The following ZNF550 variants were observed in gnomAD, a reference collection of about 807,000 sequenced individuals.
ZNF550 encodes the protein zinc finger protein 550.
ZNF550 carries 42 observed loss-of-function variants against 40.2 expected under a neutral mutation model. The ratio of observed to expected loss-of-function variants is 1.05; its 90% confidence interval spans 0.82 to 1.35. ZNF550 has a LOEUF of 1.35. Among genes scored for constraint, ZNF550 ranks in the 40% most tolerant of loss-of-function variants. ZNF550 has a pLI of 0.00. For missense variants in ZNF550, 549 were observed against 525.2 expected, an observed-to-expected ratio of 1.05 and a Z score of -0.44; for synonymous variants, 223 against 198.6, an observed-to-expected ratio of 1.12 and a Z score of -1.03.
intron 1 of ZNF550, 118 bp from the exon 2 acceptor site, chr19:57,556,475 CT>C: frequency 7.3e-7 from 1 of 1,366,818 alleles, no homozygotes; most frequent in South Asian, 1.4e-5. Flanking sequence ...ACTAGGTCTC[CT>C]TTGGGCTGAC....
chr19:57,544,564 A>C (rs2089991383), intron 4 of ZNF550: 1 of 985,244 alleles, frequency 1.0e-6, no homozygotes, highest in African/African-American at 1.7e-5. Context: ...CCCACAGGAG[A>C]GGAAACTGTG....
chr19:57,543,579 A>C, intron 4 of ZNF550: 1 of 981,068 alleles, frequency 1.0e-6, no homozygotes, highest in South Asian at 4.7e-5. Flanking sequence ...GCATAAGAGC[A>C]TAGTGCTTTT....
At chr19:57,559,595 G>A in intron 1 of ZNF550, 61 bp downstream of exon 1, 2 of 1,414,972 alleles carry the variant, frequency 1.4e-6, no homozygotes, top group East Asian at 2.7e-5. Context: ...CCGTCCTTCC[G>A]CTCGTCGGGC....
exon 4 of ZNF550, chr19:57,546,720 C>G (rs1431448196): frequency 2.4e-6 from 3 of 1,234,560 alleles, no homozygotes; most frequent in African/African-American, 3.0e-5. Flanking sequence ...ACATTTCCCC[C>G]TGGTATGAAT....
At chr19:57,548,082 T>C in intron 3 of ZNF550, 89 bp from the exon 4 acceptor site, 1 of 1,190,642 alleles carries the variant, frequency 8.4e-7, no homozygotes. Flanking sequence ...AAAATGAAGA[T>C]GAAAATAGTG....
chr19:57,544,355 C>T, intron 4 of ZNF550: 1 of 985,442 alleles, frequency 1.0e-6, no homozygotes, highest in Non-Finnish European at 1.2e-6. Context: ...GAAAACACTC[C>T]TGCTTTGGGA....
chr19:57,547,461 G>A (rs918025345), exon 4 of ZNF550: 72 of 1,613,890 alleles, frequency 4.5e-5, no homozygotes, highest in Non-Finnish European at 5.8e-5. Context: ...CACACTCAAG[G>A]CACTTGTATG....
chr19:57,546,999 C>A (rs769839285), exon 4 of ZNF550: 2 of 1,612,476 alleles, frequency 1.2e-6, no homozygotes, highest in South Asian at 2.2e-5. Flanking sequence ...TTTGGTGCTG[C>A]AGAAGGTGTG....
intron 4 of ZNF550, chr19:57,543,957 A>G (rs2089985540): frequency 1.0e-6 from 1 of 985,242 alleles, no homozygotes; most frequent in South Asian, 4.7e-5. Context: ...AACAAAAAAC[A>G]TGTTTTACCT....
exon 4 of ZNF550, chr19:57,546,874 T>C: frequency 6.9e-7 from 1 of 1,455,394 alleles, no homozygotes; most frequent in Admixed American, 2.6e-5. Flanking sequence ...TGACATTCTT[T>C]GCATTCGAAG....
chr19:57,545,029 G>C (rs1482562231), intron 4 of ZNF550, among the ~76,000 whole-genome samples: 5 of 152,174 alleles, frequency 3.3e-5, no homozygotes, highest in Non-Finnish European at 5.9e-5. Context: ...GGCTGAGGCA[G>C]GAGAATCGCT....
intron 3 of ZNF550, among the ~76,000 whole-genome samples, chr19:57,551,252 A>G (rs1218902237): frequency 1.3e-5 from 2 of 152,160 alleles, no homozygotes; most frequent in Admixed American, 1.3e-4. Context: ...CATGAAATTA[A>G]TTATATACTG....
chr19:57,559,671 C>A, exon 1 of ZNF550: 1 of 1,506,332 alleles, frequency 6.6e-7, no homozygotes, highest in South Asian at 1.2e-5. Flanking sequence ...CTGCGTCCTT[C>A]GTCTCCGCCA....
In ZNF550 at chr19:57,548,017, G is replaced by A. The variant is rs1339155748; in HGVS notation, c.251-24C>T. 3.8e-6 allele frequency: 6 copies of A among 1,593,372 alleles called. No individual in the cohort carries two copies. In the African/African-American group the frequency reaches 6.8e-5, roughly 18 times the overall value. ...ACCTGAAGGGCATCAACAAACAAAG[G>A]AGGGGTCTTTTAGTGATAAAATATA... is the stretch of plus-strand genomic sequence containing the variant. On this transcript the variant is annotated intron_variant, in intron 3 of 4. Coordinates refer to ENST00000457177, the Ensembl canonical transcript of ZNF550.
intron 1 of ZNF550, 133 bp downstream of exon 1, chr19:57,559,523 G>T: frequency 2.3e-6 from 2 of 856,388 alleles, no homozygotes; most frequent in Non-Finnish European, 3.2e-6. Context: ...GGGACCGCGC[G>T]ACCCCCTTCT....
exon 4 of ZNF550, chr19:57,547,419 C>T: frequency 6.2e-7 from 1 of 1,613,778 alleles, no homozygotes; most frequent in East Asian, 2.2e-5. Context: ...GATGGTGCTG[C>T]ATGAGGTACG....
intron 4 of ZNF550, among the ~76,000 whole-genome samples, chr19:57,545,731 G>T (rs1310182317): frequency 1.3e-5 from 2 of 152,132 alleles, no homozygotes; most frequent in Admixed American, 6.5e-5. Context: ...AAAAATTTAA[G>T]GCTGGGTGCA....
intron 1 of ZNF550, among the ~76,000 whole-genome samples, chr19:57,558,112 C>T (rs1020917320): frequency 2.6e-5 from 4 of 152,222 alleles, no homozygotes; most frequent in African/African-American, 7.2e-5. Flanking sequence ...TTGAGCACCG[C>T]TAAAACACCT....
At chr19:57,547,645 G>C (rs758960070) in exon 4 of ZNF550, 9 of 1,614,036 alleles carry the variant, frequency 5.6e-6, no homozygotes, top group Middle Eastern at 1.6e-4. Context: ...GTAGGGGTTT[G>C]TCCCTGCATG....
Sources: allele counts gnomAD v4.1 joint callset (sites outside exome capture counted in the v4.1 genomes callset), GRCh38; gene constraint gnomAD v4.1.1; transcripts MANE v1.5; gene names NCBI Gene and HGNC (gene_info 2026-07-23, HGNC 2026-07-21).